LUC7L: variants seen among roughly 807,000 people sequenced by gnomAD.
The protein encoded by LUC7L is LUC7 like.
A neutral mutation model predicts 51.1 loss-of-function variants in LUC7L; 29 were observed. The observed-to-expected ratio is 0.57, with a 90% confidence interval of 0.42 to 0.77. The LOEUF (loss-of-function observed/expected upper bound fraction) is 0.77, where lower values mean the gene tolerates loss of function less well. Ranked by LOEUF, LUC7L falls within the 30% of genes least tolerant of loss-of-function variation. The pLI is 0.00. For missense variants in LUC7L, 403 were observed against 511.9 expected (o/e 0.79, Z 2.05); for synonymous variants, 181 against 180.7 (o/e 1.00, Z -0.01).
intron 3 of LUC7L, among the ~76,000 whole-genome samples, chr16:211,579 A>G (rs910684670): frequency 1.1e-4 from 16 of 152,208 alleles, no homozygotes; most frequent in Non-Finnish European, 1.6e-4. Context: ...GTGTTTCTCA[A>G]CTTTAGCCTG....
intron 5 of LUC7L, 109 bp downstream of exon 5, chr16:205,895 G>A (rs2049470150): frequency 3.0e-6 from 4 of 1,334,152 alleles, no homozygotes; most frequent in South Asian, 1.4e-5. Context: ...GGCCCAAAAT[G>A]TATAAATTTT....
chr16:214,555 CTTGTT>C (rs1335762965), intron 3 of LUC7L, among the ~76,000 whole-genome samples: 8 of 152,160 alleles, frequency 5.3e-5, no homozygotes, highest in African/African-American at 1.9e-4. Context: ...GAGACAGACT[CTTGTT>C]CTGTTCTCCA....
intron 5 of LUC7L, 59 bp downstream of exon 5, chr16:205,945 C>T (rs1019116800): frequency 3.7e-5 from 58 of 1,556,570 alleles, no homozygotes; most frequent in Non-Finnish European, 4.4e-5. Context: ...TTAATTCCAA[C>T]GGTCAACGCT....
chr16:206,231 C>T (rs2049480942), intron 4 of LUC7L, 84 bp from the exon 5 acceptor site: 1 of 1,345,388 alleles, frequency 7.4e-7, no homozygotes, highest in Non-Finnish European at 1.0e-6. Context: ...TGCTCCATTT[C>T]CAGTCTGAAA....
intron 3 of LUC7L, among the ~76,000 whole-genome samples, chr16:211,305 C>T (rs2049633031): frequency 1.3e-5 from 2 of 152,116 alleles, no homozygotes; most frequent in Admixed American, 6.6e-5. Context: ...AAAGAACTAT[C>T]ATATGCTAAG....
chr16:225,666 A>G (rs1596690926), intron 2 of LUC7L, among the ~76,000 whole-genome samples: 1 of 151,148 alleles, frequency 6.6e-6, no homozygotes, highest in Non-Finnish European at 1.5e-5. Context: ...TTGTATTTTA[A>G]TAGAGACAGG....
At position 229,423 on chromosome 16, in the gene LUC7L, G is replaced by C. The variant is rs961727214; in HGVS notation, c.-84C>G. 2.4e-6 allele frequency: 3 copies of C among 1,273,550 alleles called. No homozygotes were observed. The highest frequency in any genetic ancestry group is 2.9e-5 in the Admixed American group (1 of 34,230). The allele number at this position is 1,273,550 out of a possible 1,614,324, so 78.9% of individuals were successfully genotyped here. On this transcript the variant is annotated 5_prime_UTR_variant, in exon 1 of 10. Coordinates refer to ENST00000293872, the MANE Select transcript of LUC7L (RefSeq NM_201412.3). ...AGCGGCGTCGACAAACGATGGTCGC[G>C]TCGGCCTCGAGCCCACTCGGCTCTT...
intron 7 of LUC7L, among the ~76,000 whole-genome samples, chr16:192,297 C>A (rs1354837288): frequency 1.3e-5 from 2 of 152,060 alleles, no homozygotes; most frequent in African/African-American, 4.8e-5. Context: ...GCTTCTACTC[C>A]AGCCCAGCAC....
intron 3 of LUC7L, among the ~76,000 whole-genome samples, chr16:219,204 C>T (rs1422564109): frequency 6.6e-6 from 1 of 151,874 alleles, no homozygotes; most frequent in East Asian, 1.9e-4. Context: ...GCCTGGCCAA[C>T]ATGGTAAAAC....
chr16:214,943 T>C (rs1256682540), intron 3 of LUC7L, among the ~76,000 whole-genome samples: 1 of 152,166 alleles, frequency 6.6e-6, no homozygotes, highest in Non-Finnish European at 1.5e-5. Flanking sequence ...TGGTGGCTTG[T>C]GACTGTAATC....
rs903256240 is a variant in LUC7L, at chr16:205,858, G to T, written c.510+146C>A. On this transcript the variant is annotated intron_variant, in intron 5 of 9. Transcript: ENST00000293872. ...CCCGCCTCGGCCTTCCAAAGTGCTGGGATGACAGGCGTGAGCCACTGTGCT... is the reference window on the plus strand; with the variant it reads ...CCCGCCTCGGCCTTCCAAAGTGCTGTGATGACAGGCGTGAGCCACTGTGCT... 4.5e-6 allele frequency: 4 copies of T among 894,318 alleles called. No individual in the cohort carries two copies. The South Asian group carries it at 6.9e-5, about 15-fold the overall frequency. 55.4% of individuals were successfully genotyped at this position (894,318 alleles called of 1,614,324 possible). A position where few individuals can be genotyped will look rare whatever the true frequency, so the allele number is the denominator to read the frequency against.
chr16:213,484 C>T (rs1442813516), intron 3 of LUC7L, among the ~76,000 whole-genome samples: 1 of 152,176 alleles, frequency 6.6e-6, no homozygotes, highest in Non-Finnish European at 1.5e-5. Flanking sequence ...ACTGCAACCT[C>T]TGCCTCCCAG....
At chr16:189,568 T>G in intron 9 of LUC7L, 13 of 1,382,264 alleles carry the variant, frequency 9.4e-6, no homozygotes, top group African/African-American at 1.4e-5. Context: ...CACTGTAACA[T>G]AAACAGTGCA....
At chr16:190,663 T>A (rs1157117334) in intron 7 of LUC7L, 93 bp from the exon 8 acceptor site, 1 of 1,135,304 alleles carries the variant, frequency 8.8e-7, no homozygotes. Flanking sequence ...GGCAATCACC[T>A]GAGGTCACGA....
chr16:205,722 T>G (rs949854309), intron 5 of LUC7L, among the ~76,000 whole-genome samples: 1 of 152,192 alleles, frequency 6.6e-6, no homozygotes, highest in African/African-American at 2.4e-5. Context: ...CCGGAGCAGC[T>G]GGGACTACAG....
At chr16:189,659 C>G in intron 9 of LUC7L, 1 of 1,323,718 alleles carries the variant, frequency 7.6e-7, no homozygotes, top group South Asian at 2.5e-5. Flanking sequence ...AAACAAAAAC[C>G]AAAACAGAGG....
chr16:199,045 G>C lies in LUC7L; in HGVS notation c.687+17C>G. On this transcript the variant is annotated intron_variant, in intron 6 of 9. Coordinates refer to ENST00000293872, the MANE Select transcript of LUC7L (RefSeq NM_201412.3). ...CCCCAAGACTCCTCAGCTTTCTCCA[G>C]AAACAGATGAACATACCCTCAACTG... 1.3e-6 allele frequency: 2 copies of C among 1,574,372 alleles called. No individual in the cohort carries two copies. The highest frequency in any genetic ancestry group is 1.7e-6 in the Non-Finnish European group (2 of 1,153,978).
intron 4 of LUC7L, 37 bp downstream of exon 4, chr16:208,041 T>C (rs371658744): frequency 7.1e-5 from 103 of 1,457,384 alleles, no homozygotes; most frequent in Non-Finnish European, 8.2e-5. Flanking sequence ...CCAGTATTTT[T>C]AAGAACACAC....
At chr16:210,022 T>G (rs2049595249) in intron 3 of LUC7L, among the ~76,000 whole-genome samples, 1 of 152,194 alleles carries the variant, frequency 6.6e-6, no homozygotes, top group Non-Finnish European at 1.5e-5. Flanking sequence ...GCGTGGTAGC[T>G]CACGCCTGTA....
Sources: gnomAD v4.1 joint callset for allele counts (sites outside exome capture counted in the v4.1 genomes callset) on GRCh38, gnomAD v4.1.1 for gene constraint, MANE v1.5 for transcripts, NCBI Gene and HGNC (gene_info 2026-07-23, HGNC 2026-07-21) for gene names.